GRHL2: variants seen among roughly 807,000 people sequenced by gnomAD.
GRHL2 encodes the protein grainyhead-like protein 2 homolog.
A neutral mutation model predicts 83.8 loss-of-function variants in GRHL2; 21 were observed. The observed-to-expected ratio is 0.25, with a 90% CI of 0.18 to 0.36. GRHL2 has a LOEUF of 0.36. Ranked by LOEUF, GRHL2 falls within the 10% of genes least tolerant of loss-of-function variation. The pLI is 1.00. For missense variants in GRHL2, 623 were observed against 781.8 expected (o/e 0.80, Z 2.42); for synonymous variants, 280 against 278.9 (o/e 1.00, Z -0.04).
intron 1 of GRHL2, among the ~76,000 whole-genome samples, chr8:101,527,564 T>C (rs1810833950): frequency 6.6e-6 from 1 of 152,194 alleles, no homozygotes; most frequent in Non-Finnish European, 1.5e-5. Flanking sequence ...AGTTTGGTAT[T>C]ATATTTAAGA....
chr8:101,578,835 T>C (rs1167058600), intron 7 of GRHL2, among the ~76,000 whole-genome samples: 2 of 152,214 alleles, frequency 1.3e-5, no homozygotes, highest in Non-Finnish European at 2.9e-5. Context: ...TGGCAGAGTT[T>C]AATGACTAGG....
chr8:101,522,031 A>G (rs183554405), intron 1 of GRHL2, among the ~76,000 whole-genome samples: 3 of 152,298 alleles, frequency 2.0e-5, no homozygotes, highest in Admixed American at 1.3e-4. Flanking sequence ...TTTGGTAGGA[A>G]GCTGTTTGTA....
intron 1 of GRHL2, among the ~76,000 whole-genome samples, chr8:101,504,531 T>C (rs1810295945): frequency 6.6e-6 from 1 of 152,130 alleles, no homozygotes; most frequent in African/African-American, 2.4e-5. Context: ...TGAATGTTCA[T>C]GGGAGAGACT....
chr8:101,499,655 G>A (rs1420433498), intron 1 of GRHL2, among the ~76,000 whole-genome samples: 2 of 152,162 alleles, frequency 1.3e-5, no homozygotes, highest in East Asian at 1.9e-4. Context: ...GGAAAAATTT[G>A]AAGTCATTTT....
At position 101,577,496 on chromosome 8, in the gene GRHL2, C is replaced by T. The variant is rs773319502; in HGVS notation, c.980C>T (p.Ala327Val). ...WKYWHSRQHTAKQRVLDIADY... is the reference protein window; with the variant it reads ...WKYWHSRQHTVKQRVLDIADY... Reference sequence around the variant, plus strand: ...TACTGGCACTCTCGGCAGCATACGGCGAAGCAGAGGGTCCTTGACATTGGT... The same window carrying T: ...TACTGGCACTCTCGGCAGCATACGGTGAAGCAGAGGGTCCTTGACATTGGT... Residue 327 changes from alanine to valine, a missense_variant, in exon 7 of 16, where the codon GCG becomes GTG. Physicochemically the swap from Ala to Val is moderately conservative, Grantham distance 64 (BLOSUM62 0). Coordinates refer to ENST00000646743, the MANE Select transcript of GRHL2 (RefSeq NM_024915.4). 53 of 1,613,338 alleles carry T rather than the reference C, an allele frequency of 3.3e-5. No individual in the cohort carries two copies. Among genetic ancestry groups the T allele is most frequent in the African/African-American group, 2.1e-4 (16 of 75,036 alleles).
Position 101,666,742 on chromosome 8 carries a change from G to C in GRHL2, c.*39G>C, listed in dbSNP as rs1814070023. On this transcript the variant is annotated 3_prime_UTR_variant, in exon 16 of 16. Coordinates refer to ENST00000646743, the MANE Select transcript of GRHL2 (RefSeq NM_024915.4). ...ATCCGCTTTGGCTGGAGCTCTCAGTGCGTTCCTCCCTGAGAGAGACAGAAG... is the reference window on the plus strand; with the variant it reads ...ATCCGCTTTGGCTGGAGCTCTCAGTCCGTTCCTCCCTGAGAGAGACAGAAG... The C allele has an allele frequency of 8.0e-7, 1 of 1,249,112 alleles. No homozygotes were observed. The highest frequency in any genetic ancestry group is 1.2e-6 in the Non-Finnish European group (1 of 847,772). The allele number at this position is 1,249,112 out of a possible 1,614,324, so 77.4% of individuals were successfully genotyped here.
At chr8:101,531,751 C>G (rs370349850) in intron 1 of GRHL2, among the ~76,000 whole-genome samples, 56 of 152,132 alleles carry the variant, frequency 3.7e-4, no homozygotes, top group African/African-American at 1.3e-3. Context: ...TATTTCCAAT[C>G]CTTTTACTTA....
intron 3 of GRHL2, among the ~76,000 whole-genome samples, chr8:101,555,905 C>A (rs568595254): frequency 1.6e-4 from 24 of 152,202 alleles, no homozygotes; most frequent in Non-Finnish European, 2.9e-4. Context: ...AGCTCAAAGG[C>A]TAATGGGCTT....
At chr8:101,545,670 G>T (rs1811247876) in intron 2 of GRHL2, among the ~76,000 whole-genome samples, 1 of 151,782 alleles carries the variant, frequency 6.6e-6, no homozygotes, top group Admixed American at 6.6e-5. Context: ...ATCAAATTAG[G>T]CTGCTTCGTG....
intron 12 of GRHL2, 121 bp from the exon 13 acceptor site, chr8:101,644,010 A>T: frequency 1.2e-6 from 1 of 833,968 alleles, no homozygotes; most frequent in South Asian, 1.4e-5. Context: ...TGGTGAGTAG[A>T]TCCAGTTACG....
At chr8:101,615,224 C>T (rs145893735) in intron 8 of GRHL2, among the ~76,000 whole-genome samples, 25 of 152,270 alleles carry the variant, frequency 1.6e-4, no homozygotes, top group African/African-American at 4.8e-4. Flanking sequence ...AGCATATTGC[C>T]AGTAAGCAGT....
chr8:101,532,544 G>A lies in GRHL2; in HGVS notation c.21-10697G>A, dbSNP rs143820397. ...AGGTGGGCGGATCACGAGGTCAGGAGTTCAAGACTAGCCTGACCAACATGG... is the reference window on the plus strand; with the variant it reads ...AGGTGGGCGGATCACGAGGTCAGGAATTCAAGACTAGCCTGACCAACATGG... On this transcript the variant is annotated intron_variant, in intron 1 of 15. Transcript: ENST00000646743. 1.3e-5 allele frequency among the ~76,000 whole-genome samples: 2 copies of A among 152,296 alleles called. 1 individual carries two copies. Among genetic ancestry groups the A allele is most frequent in the Admixed American group, 1.3e-4 (2 of 15,308 alleles).
chr8:101,659,552 T>C (rs976372997), intron 14 of GRHL2, among the ~76,000 whole-genome samples: 1 of 152,234 alleles, frequency 6.6e-6, no homozygotes, highest in African/African-American at 2.4e-5. Context: ...AGCTGACTCC[T>C]GAGAATTGGC....
At chr8:101,625,169 G>A (rs1022921590) in intron 9 of GRHL2, among the ~76,000 whole-genome samples, 3 of 151,998 alleles carry the variant, frequency 2.0e-5, no homozygotes, top group African/African-American at 7.2e-5. Context: ...CCCCCTCCAT[G>A]AATCCCCTTC....
At chr8:101,525,024 C>A (rs1466016259) in intron 1 of GRHL2, among the ~76,000 whole-genome samples, 1 of 151,992 alleles carries the variant, frequency 6.6e-6, no homozygotes, top group African/African-American at 2.4e-5. Context: ...CTCACCACAA[C>A]CTCCGCCTCC....
chr8:101,616,542 T>C (rs1012964926), intron 8 of GRHL2, among the ~76,000 whole-genome samples: 1 of 152,176 alleles, frequency 6.6e-6, no homozygotes, highest in Non-Finnish European at 1.5e-5. Context: ...CTTTAGTCAT[T>C]CTCTTTTTCT....
chr8:101,570,812 A>T (rs1317450223), intron 5 of GRHL2, among the ~76,000 whole-genome samples: 5 of 152,176 alleles, frequency 3.3e-5, no homozygotes, highest in African/African-American at 9.7e-5. Flanking sequence ...GAGGTAAAGG[A>T]TCTGGCTTCT....
the GRHL2 span, among the ~76,000 whole-genome samples, chr8:101,677,949 G>T: frequency 1.3e-5 from 2 of 152,214 alleles, no homozygotes; most frequent in East Asian, 3.9e-4. Context: ...AGGTGGATTT[G>T]ACTGATATTC....
chr8:101,680,811 T>C, the GRHL2 span, among the ~76,000 whole-genome samples: 1 of 126,086 alleles, frequency 7.9e-6, no homozygotes, highest in African/African-American at 3.3e-5. Context: ...CTGAACAACC[T>C]GCTCCTGAAT....
Sources: gnomAD v4.1 joint callset for allele counts (sites outside exome capture counted in the v4.1 genomes callset) on GRCh38, gnomAD v4.1.1 for gene constraint, MANE v1.5 for transcripts, NCBI Gene and HGNC (gene_info 2026-07-23, HGNC 2026-07-21) for gene names.